The following OTOF variants were observed in gnomAD, a reference collection of about 807,000 sequenced individuals.
OTOF encodes the protein otoferlin.
Under a neutral mutation model 236.8 loss-of-function variants are expected in OTOF, and 218 were observed. The ratio of observed to expected loss-of-function variants is 0.92; its 90% CI spans 0.82 to 1.03. The LOEUF is 1.03. OTOF is among the 50% of genes least tolerant of loss of function. The pLI is 0.00. For synonymous variants in OTOF, 1,041 were observed against 1,072.5 expected (o/e 0.97, Z 0.57); for missense variants, 2,590 against 2,694.4 (o/e 0.96, Z 0.86).
chr2:26,457,787 A>G lies in OTOF; in HGVS notation c.*451T>C. Reference sequence around the variant, plus strand: ...GCGCCTCAGCCAGGTGGGGCAAGAGAGACCCATTCCAGGTCCCCACCCCAT... The same window carrying G: ...GCGCCTCAGCCAGGTGGGGCAAGAGGGACCCATTCCAGGTCCCCACCCCAT... On this transcript the variant is annotated 3_prime_UTR_variant, in exon 47 of 47. Coordinates refer to ENST00000272371, the MANE Select transcript of OTOF (RefSeq NM_194248.3). The surrounding 1 kb of genome is among the most constrained non-coding windows in gnomAD (Gnocchi z 4.4). 1.9e-6 allele frequency: 1 copy of G among 517,764 alleles called. No homozygotes were observed. The highest frequency in any genetic ancestry group is 3.4e-6 in the Non-Finnish European group (1 of 290,216). 32.1% of individuals were successfully genotyped at this position (517,764 alleles called of 1,614,324 possible). A position where few individuals can be genotyped will look rare whatever the true frequency, so the allele number is the denominator to read the frequency against.
intron 3 of OTOF, among the ~76,000 whole-genome samples, chr2:26,526,392 T>G (rs957115960): frequency 1.3e-5 from 2 of 151,348 alleles, no homozygotes; most frequent in African/African-American, 2.4e-5. Flanking sequence ...AATGGATGGA[T>G]GAAAGGATGG....
rs539243242 is a variant in OTOF, at chr2:26,471,396, C to T, written c.3865-246G>A. Among the ~76,000 whole-genome samples the T allele has an allele frequency of 1.5e-4, 23 of 152,304 alleles. 1 individual carries two copies. The highest frequency in any genetic ancestry group is 5.5e-4 in the African/African-American group (23 of 41,558). ...GTGGGCTGTGTTCCAGGCTGGCCCA[C>T]GTTCTGCCCTTCCCTGTAGGGTCTA... On this transcript the variant is annotated intron_variant, in intron 30 of 46. Transcript: ENST00000272371.
intron 8 of OTOF, among the ~76,000 whole-genome samples, chr2:26,497,089 CTTTTTTTTTTT>C (rs201349303): frequency 1.2e-4 from 12 of 97,772 alleles, no homozygotes; most frequent in South Asian, 4.2e-4. Context: ...GTACATTCTT[CTTTTTTTTTTT>C]TTTTTTTTTT....
At position 26,460,168 on chromosome 2, in the gene OTOF, G is replaced by T; in HGVS notation, c.5851C>A (p.Leu1951Ile). 6.2e-7 allele frequency: 1 copy of T among 1,605,194 alleles called. No homozygotes were observed. Among genetic ancestry groups the T allele is most frequent in the East Asian group, 2.2e-5 (1 of 44,666 alleles). The change falls in exon 46 of 47, where the codon CTC (leucine) becomes ATC (isoleucine). Residue 1951 changes from leucine (L) to isoleucine (I), a missense_variant. Physicochemically the swap from Leu to Ile is conservative, Grantham distance 5. This residue lies in a region of OTOF where 1,211 missense variants were observed against 1,352.8 expected (regional missense o/e 0.90). Transcript: ENST00000272371. This position sits in a 1 kb window ranked among gnomAD's most constrained non-coding sequence, Gnocchi z 5.3. The stretch of plus-strand genomic sequence containing the variant: ...CACAAGAAGTAGCGAGCCGACTTGA[G>T]AGGGTTCAGGAACCAGATGAAGCTC... ...DTSFIWFLNP[L>I]KSARYFLWHT... is the part of the protein sequence containing the mutation.
At chr2:26,474,464 T>A (rs1665157669) in intron 26 of OTOF, 49 bp downstream of exon 26, 1 of 1,192,030 alleles carries the variant, frequency 8.4e-7, no homozygotes, top group Non-Finnish European at 1.1e-6. Context: ...AGGCCCCAAC[T>A]CCCAGCCTCC....
At position 26,475,462 on chromosome 2, in the gene OTOF, T is replaced by A; in HGVS notation, c.3023A>T (p.Asp1008Val). 1 of 1,612,774 alleles carries A rather than the reference T, an allele frequency of 6.2e-7. No homozygotes were observed. Among genetic ancestry groups the A allele is most frequent in the Non-Finnish European group, 8.5e-7 (1 of 1,179,880 alleles). ...VLNETLCPTW[D>V]QMLVFDNLEL... ...CAGGTTGTCGAACACCAGCATCTGGTCCCAGGTGGGACACAGGGTCTCATT... is the reference window on the plus strand; with the variant it reads ...CAGGTTGTCGAACACCAGCATCTGGACCCAGGTGGGACACAGGGTCTCATT... The change falls in exon 25 of 47, where the codon GAC becomes GTC. Residue 1008 changes from aspartate to valine, a missense_variant. Physicochemically the swap from Asp to Val is radical, Grantham distance 152 (BLOSUM62 -3). Around this residue, in one of 2 missense-constraint regions of OTOF, gnomAD observed 1,211 missense variants for 1,352.8 expected, o/e 0.90. Transcript: ENST00000272371.
chr2:26,557,498 T>C (rs1667622538), intron 1 of OTOF, among the ~76,000 whole-genome samples: 1 of 152,122 alleles, frequency 6.6e-6, no homozygotes, highest in Non-Finnish European at 1.5e-5. Flanking sequence ...CGGGGTCAGG[T>C]CCAGCCTCGC....
intron 1 of OTOF, among the ~76,000 whole-genome samples, chr2:26,556,123 C>T (rs967435402): frequency 2.0e-5 from 3 of 152,194 alleles, no homozygotes; most frequent in African/African-American, 7.2e-5. Context: ...TGCCAATGGG[C>T]ACAGCTCACC....
Position 26,479,246 on chromosome 2 carries a change from C to T in OTOF, c.2214+18G>A. On this transcript the variant is annotated intron_variant, in intron 18 of 46. Coordinates refer to ENST00000272371, the MANE Select transcript of OTOF (RefSeq NM_194248.3). ...CCCCCAGGACCCCACCCCTGCTGGC[C>T]CCTGGCCTGGCCCTGACCAGCTTGT... is the stretch of plus-strand genomic sequence containing the variant. The T allele has an allele frequency of 6.2e-7, 1 of 1,612,102 alleles. No individual in the cohort carries two copies. Among genetic ancestry groups the T allele is most frequent in the Non-Finnish European group, 8.5e-7 (1 of 1,179,746 alleles).
chr2:26,484,415 C>T, intron 12 of OTOF, 59 bp downstream of exon 12: 1 of 1,592,290 alleles, frequency 6.3e-7, no homozygotes. Context: ...TCACCGGGGG[C>T]TCCCTGGGGG....
rs987390512 is a variant in OTOF at position 26,477,303 on chromosome 2, G to T, written c.2407-15C>A. 1.2e-6 allele frequency: 2 copies of T among 1,607,104 alleles called. No homozygotes were observed. Among genetic ancestry groups the T allele is most frequent in the Non-Finnish European group, 1.7e-6 (2 of 1,176,972 alleles). ...CCCATGTTTTCCTGCGAAGGAGGGG[G>T]TGTCAGTGAACCCAGCAACTGGGGG... On this transcript the variant is annotated splice_polypyrimidine_tract_variant and intron_variant, in intron 20 of 46. Transcript: ENST00000272371. This position sits in a 1 kb window ranked among gnomAD's most constrained non-coding sequence, Gnocchi z 4.7.
At chr2:26,503,349 C>CAA (rs2148079600) in intron 6 of OTOF, among the ~76,000 whole-genome samples, 1 of 152,354 alleles carries the variant, frequency 6.6e-6, no homozygotes, top group East Asian at 1.9e-4. Context: ...CCAGCGGCCC[C>CAA]AGGACCTCCC....
chr2:26,533,359 G>A (rs1464401860), intron 2 of OTOF, among the ~76,000 whole-genome samples: 1 of 152,164 alleles, frequency 6.6e-6, no homozygotes, highest in Non-Finnish European at 1.5e-5. Flanking sequence ...AAGCTTAAAG[G>A]CCTGGGCTCA....
In OTOF at chr2:26,479,570, C is replaced by T; in HGVS notation, c.1996G>A (p.Asp666Asn). The T allele has an allele frequency of 6.2e-7, 1 of 1,612,714 alleles. No homozygotes were observed. Among genetic ancestry groups the T allele is most frequent in the Non-Finnish European group, 8.5e-7 (1 of 1,179,946 alleles). Residue 666 changes from aspartate (D) to asparagine (N), a missense_variant, in exon 17 of 47, where the codon GAC becomes AAC. Coordinates refer to ENST00000272371, the MANE Select transcript of OTOF (RefSeq NM_194248.3). ...TCATCACTTGCGTTCTGAATCAGGT[C>T]TACTTCTTCCTCATCCCCCGGCTCC... ...RKEPGDEEEV[D>N]LIQNASDDEA...
intron 5 of OTOF, among the ~76,000 whole-genome samples, chr2:26,506,129 T>C (rs1666241047): frequency 6.6e-6 from 1 of 152,204 alleles, no homozygotes; most frequent in South Asian, 2.1e-4. Flanking sequence ...ACCCCTGCCA[T>C]AGGCCCAGCT....
intron 14 of OTOF, 99 bp downstream of exon 14, chr2:26,482,307 G>C (rs1190939160): frequency 1.0e-5 from 12 of 1,166,908 alleles, no homozygotes; most frequent in Admixed American, 3.7e-5. Flanking sequence ...CTGAGGACCA[G>C]AGCTGATGAC....
At chr2:26,478,057 G>A in intron 18 of OTOF, 2 of 1,429,430 alleles carry the variant, frequency 1.4e-6, no homozygotes, top group Non-Finnish European at 1.8e-6. Context: ...GGGGCTCAGG[G>A]CTGGCCAGAG....
At chr2:26,471,322 T>G (rs550426462) in intron 30 of OTOF, among the ~76,000 whole-genome samples, 172 bp from the exon 31 acceptor site, 3 of 152,228 alleles carry the variant, frequency 2.0e-5, no homozygotes, top group African/African-American at 4.8e-5. Flanking sequence ...GACTGGTGAG[T>G]CTGCAAAGGG....
At chr2:26,553,415 C>T (rs1667510173) in intron 1 of OTOF, among the ~76,000 whole-genome samples, 1 of 152,190 alleles carries the variant, frequency 6.6e-6, no homozygotes, top group African/African-American at 2.4e-5. Flanking sequence ...AGCTTAGGCA[C>T]TTCCTCCTCC....
Sources: gnomAD v4.1 joint callset for allele counts (sites outside exome capture counted in the v4.1 genomes callset) on GRCh38, gnomAD v4.1.1 for gene constraint, gnomAD v4.1.1 regional missense constraint, Gnocchi (gnomAD v3.1) non-coding constraint, MANE v1.5 for transcripts, NCBI Gene and HGNC (gene_info 2026-07-23, HGNC 2026-07-21) for gene names.